Variants in USHBP1 observed in about 807,000 individuals in gnomAD.
USHBP1 encodes harmonin-binding protein USHBP1.
A neutral mutation model predicts 76.2 loss-of-function variants in USHBP1; 67 were observed. The ratio of observed to expected loss-of-function variants is 0.88; its 90% CI spans 0.72 to 1.08. The LOEUF (loss-of-function observed/expected upper bound fraction) is 1.08. USHBP1 is among the 50% of genes least tolerant of loss of function. The pLI is 0.00. For missense variants in USHBP1, 931 were observed against 915.0 expected, an observed-to-expected ratio of 1.02 and a Z score of -0.23; for synonymous variants, 322 against 362.2, an observed-to-expected ratio of 0.89 and a Z score of 1.26.
At chr19:17,251,549 CA>C (rs747705983) in intron 12 of USHBP1, 32 bp downstream of exon 12, 20 of 1,612,126 alleles carry the variant, frequency 1.2e-5, no homozygotes, top group Admixed American at 3.3e-5. Flanking sequence ...GGGATGGTGC[CA>C]GGGGGATTGG....
At chr19:17,258,607 G>A (rs2073649986) in intron 7 of USHBP1, 2 of 474,264 alleles carry the variant, frequency 4.2e-6, no homozygotes, top group Admixed American at 7.2e-5. Context: ...TACTCAGGAG[G>A]CTGAGGCAGG....
At chr19:17,257,550 G>A (rs1178819808) in intron 8 of USHBP1, among the ~76,000 whole-genome samples, 1 of 148,464 alleles carries the variant, frequency 6.7e-6, no homozygotes, top group African/African-American at 2.5e-5. Context: ...GCTGAGGCAG[G>A]AGAATCCCTT....
Position 17,264,269 on chromosome 19 carries a change from G to C in USHBP1, c.31C>G (p.Arg11Gly). Reference protein sequence around the residue: MSARATRPRSRRGRHAPPGEL... With the variant: MSARATRPRSGRGRHAPPGEL... ...ACGGGTGGAGCATGCCTCCCTCGCCGGCTTCGGGGCCGCGTGGCCCGGGCA... is the reference window on the plus strand; with the variant it reads ...ACGGGTGGAGCATGCCTCCCTCGCCCGCTTCGGGGCCGCGTGGCCCGGGCA... Residue 11 changes from arginine to glycine, a missense_variant, in exon 2 of 13, where the codon CGG becomes GGG. Transcript: ENST00000252597. 6.2e-7 allele frequency: 1 copy of C among 1,613,700 alleles called. No individual in the cohort carries two copies. Among genetic ancestry groups the C allele is most frequent in the Non-Finnish European group, 8.5e-7 (1 of 1,179,912 alleles).
intron 9 of USHBP1, 34 bp from the exon 10 acceptor site, chr19:17,255,640 C>T: frequency 1.3e-6 from 2 of 1,556,256 alleles, no homozygotes; most frequent in Non-Finnish European, 8.7e-7. Context: ...AGAATTTATG[C>T]TTCTACGGTC....
intron 8 of USHBP1, among the ~76,000 whole-genome samples, chr19:17,257,020 CT>C (rs574690408): frequency 0.015 from 1,942 of 131,794 alleles, 37 homozygotes; most frequent in African/African-American, 0.042. Flanking sequence ...GAGAATCCGT[CT>C]TTTTTTTTTT....
intron 6 of USHBP1, 70 bp from the exon 7 acceptor site, chr19:17,259,499 T>C (rs1451351018): frequency 1.9e-6 from 3 of 1,608,056 alleles, no homozygotes; most frequent in Non-Finnish European, 2.5e-6. Flanking sequence ...ATTTCCACCC[T>C]TTCCCTCCCT....
chr19:17,255,688 G>C, intron 9 of USHBP1, 82 bp from the exon 10 acceptor site: 1 of 1,416,544 alleles, frequency 7.1e-7, no homozygotes, highest in East Asian at 2.5e-5. Context: ...GGCACCCACT[G>C]AGGACTATTC....
At chr19:17,261,787 C>A (rs2073692981) in intron 4 of USHBP1, among the ~76,000 whole-genome samples, 1 of 151,918 alleles carries the variant, frequency 6.6e-6, no homozygotes, top group East Asian at 1.9e-4. Flanking sequence ...TTGTGTCAAG[C>A]AATTCTCCTG....
chr19:17,251,750 T>C (rs748976603), intron 11 of USHBP1, 46 bp from the exon 12 acceptor site: 2 of 1,607,646 alleles, frequency 1.2e-6, no homozygotes. Context: ...CAGCCGATCC[T>C]GTTTCCCAGG....
chr19:17,251,492 A>C, intron 12 of USHBP1, 90 bp downstream of exon 12: 1 of 1,546,582 alleles, frequency 6.5e-7, no homozygotes, highest in Non-Finnish European at 8.8e-7. Flanking sequence ...GCAGTGGGGA[A>C]TGCTAAGGCC....
At position 17,260,030 on chromosome 19, in the gene USHBP1, A is replaced by T; in HGVS notation, c.643-8T>A. Reference sequence around the variant, plus strand: ...ATCCTGCAGCTCTTGAACCTGGGAAAGATGAGGGGGACGTCAGGCCTAGGG... The same window carrying T: ...ATCCTGCAGCTCTTGAACCTGGGAATGATGAGGGGGACGTCAGGCCTAGGG... On this transcript the variant is annotated splice_polypyrimidine_tract_variant and splice_region_variant and intron_variant, in intron 4 of 12. Coordinates refer to ENST00000252597, the MANE Select transcript of USHBP1 (RefSeq NM_031941.4). The T allele has an allele frequency of 6.2e-7, 1 of 1,611,378 alleles. No homozygotes were observed. Among genetic ancestry groups the T allele is most frequent in the Non-Finnish European group, 8.5e-7 (1 of 1,177,986 alleles).
Position 17,262,870 on chromosome 19 carries a change from A to T in USHBP1, c.324T>A (p.Thr108=), listed in dbSNP as rs748016244. 3.1e-6 allele frequency: 5 copies of T among 1,612,710 alleles called. No individual in the cohort carries two copies. In the Admixed American group the frequency reaches 8.3e-5, roughly 27 times the overall value. ...CGGGGGCCCCATTCCCAGGGGGCAC[A>T]GTCTCCTTGTACTGTAGGGCTGCTT... ...APEAALQYKE[T]VPPGNGAPDV... The change falls in exon 4 of 13, where the codon ACT becomes ACA. Residue 108 remains threonine, a synonymous_variant. Coordinates refer to ENST00000252597, the MANE Select transcript of USHBP1 (RefSeq NM_031941.4).
chr19:17,254,189 CA>C lies in USHBP1; in HGVS notation c.1692+1195del, dbSNP rs539131542. Among the ~76,000 whole-genome samples the C allele has an allele frequency of 2.2e-3, 333 of 150,936 alleles. 1 individual carries two copies. Among genetic ancestry groups the C allele is most frequent in the African/African-American group, 7.6e-3 (314 of 41,130 alleles). On this transcript the variant is annotated intron_variant, in intron 10 of 12. Coordinates refer to ENST00000252597, the MANE Select transcript of USHBP1 (RefSeq NM_031941.4). The stretch of plus-strand genomic sequence containing the variant: ...AAACCCCGTCTCTACTAAAAAAATA[CA>C]AAAAAAATTAGCCGGGTGTGGTGGC...
Position 17,263,985 on chromosome 19 carries a change from G to T in USHBP1, c.203+17C>A. ...CGTCTGGACTGGAGTGAAGGGCACA[G>T]ACCAAGCGGGTCTTACCTGCTTCCT... On this transcript the variant is annotated intron_variant, in intron 3 of 12. Coordinates refer to ENST00000252597, the MANE Select transcript of USHBP1 (RefSeq NM_031941.4). 1 of 1,550,182 alleles carries T rather than the reference G, an allele frequency of 6.5e-7. No individual in the cohort carries two copies. Among genetic ancestry groups the T allele is most frequent in the Non-Finnish European group, 8.7e-7 (1 of 1,149,142 alleles).
At chr19:17,251,140 G>A (rs1037102755) in intron 12 of USHBP1, among the ~76,000 whole-genome samples, 53 of 150,396 alleles carry the variant, frequency 3.5e-4, no homozygotes, top group Admixed American at 8.6e-4. Context: ...GATTTCAGGC[G>A]TGAGCCACTG....
At chr19:17,254,346 C>A (rs55967455) in intron 10 of USHBP1, among the ~76,000 whole-genome samples, 72,305 of 150,046 alleles carry the variant, frequency 0.48, 18,143 homozygotes, top group East Asian at 0.82. Context: ...CACTCTGCCT[C>A]AAAAAAAATA....
intron 12 of USHBP1, 75 bp downstream of exon 12, chr19:17,251,507 G>C: frequency 6.3e-7 from 1 of 1,588,628 alleles, no homozygotes; most frequent in East Asian, 2.3e-5. Context: ...AAGGCCCAGA[G>C]ACAGCCAGGG....
At position 17,264,161 on chromosome 19, in the gene USHBP1, C is replaced by A; in HGVS notation, c.55-11G>T. 1 of 1,612,212 alleles carries A rather than the reference C, an allele frequency of 6.2e-7. No homozygotes were observed. On this transcript the variant is annotated splice_polypyrimidine_tract_variant and intron_variant, in intron 2 of 12. Coordinates refer to ENST00000252597, the MANE Select transcript of USHBP1 (RefSeq NM_031941.4). Reference sequence around the variant, plus strand: ...GGGATCCAGTTCACCCTGCAAATGACCCCCGGGGCCCTGCTCTGAGCCAGG... The same window carrying A: ...GGGATCCAGTTCACCCTGCAAATGAACCCCGGGGCCCTGCTCTGAGCCAGG...
intron 4 of USHBP1, 49 bp from the exon 5 acceptor site, chr19:17,260,071 C>G (rs764101191): frequency 6.3e-7 from 1 of 1,578,644 alleles, no homozygotes; most frequent in South Asian, 1.1e-5. Flanking sequence ...AACCAACCAC[C>G]AGCCCTCTCT....
Sources: allele counts gnomAD v4.1 joint callset (sites outside exome capture counted in the v4.1 genomes callset), GRCh38; gene constraint gnomAD v4.1.1; transcripts MANE v1.5; gene names NCBI Gene and HGNC (gene_info 2026-07-23, HGNC 2026-07-21).